Variants in RBFOX3 observed in about 807,000 individuals in gnomAD.
RBFOX3 encodes RNA binding fox-1 homolog 3.
In RBFOX3, 17 loss-of-function variants were observed where a neutral mutation model predicts 48.7. The ratio of observed to expected loss-of-function variants is 0.35; its 90% confidence interval spans 0.24 to 0.52. The LOEUF is 0.52. Ranked by LOEUF, RBFOX3 falls within the 20% of genes least tolerant of loss-of-function variation. The pLI is 0.94. For synonymous variants in RBFOX3, 212 were observed against 209.5 expected, an observed-to-expected ratio of 1.01 and a Z score of -0.10; for missense variants, 382 against 497.5, an observed-to-expected ratio of 0.77 and a Z score of 2.21.
intron 4 of RBFOX3, among the ~76,000 whole-genome samples, chr17:79,153,031 G>A (rs1315210225): frequency 1.3e-5 from 2 of 152,220 alleles, no homozygotes; most frequent in African/African-American, 2.4e-5. Flanking sequence ...CCTAAGTGCA[G>A]GGCAGGACAT....
Position 79,092,660 on chromosome 17 carries a change from A to C in RBFOX3, c.1078-1775T>G, listed in dbSNP as rs895324437. 1.4e-5 allele frequency: 14 copies of C among 983,684 alleles called. No individual in the cohort carries two copies. The Admixed American group carries it at 2.5e-4, about 17-fold the overall frequency. The allele number at this position is 983,684 out of a possible 1,614,324, so 60.9% of individuals were successfully genotyped here. A position where few individuals can be genotyped will look rare whatever the true frequency, so the allele number is the denominator to read the frequency against. On this transcript the variant is annotated intron_variant, in intron 14 of 14. Transcript: ENST00000693108. Reference sequence around the variant, plus strand: ...GGCTAGCCTGCAACATCAAAGATGAAAAACAGCCAATCAGTACCGTCTTTT... The same window carrying C: ...GGCTAGCCTGCAACATCAAAGATGACAAACAGCCAATCAGTACCGTCTTTT...
chr17:79,619,055 T>G, the RBFOX3 span, among the ~76,000 whole-genome samples: 1 of 152,336 alleles, frequency 6.6e-6, no homozygotes, highest in Middle Eastern at 3.4e-3. Flanking sequence ...TGTTTGTGGA[T>G]GCTAAGACGT....
rs191993828 is a variant in RBFOX3 at position 79,180,816 on chromosome 17, C to G, written c.-34+54950G>C. ...ACCACCCCAGCAGAACAGCCGCGGG[C>G]GAGGGAAGGAAAGTGAATGCTCAAA... On this transcript the variant is annotated intron_variant, in intron 4 of 14. Coordinates refer to ENST00000693108, the MANE Select transcript of RBFOX3 (RefSeq NM_001350451.2). Among the ~76,000 whole-genome samples, 4 of 151,472 alleles carry G rather than the reference C, an allele frequency of 2.6e-5. No homozygotes were observed. The East Asian group carries it at 5.9e-4, about 22-fold the overall frequency.
intron 4 of RBFOX3, among the ~76,000 whole-genome samples, chr17:79,137,251 A>G (rs1484522567): frequency 6.6e-6 from 1 of 151,736 alleles, no homozygotes; most frequent in Non-Finnish European, 1.5e-5. Flanking sequence ...ACACACACAC[A>G]CACACAGCCC....
intron 1 of RBFOX3, among the ~76,000 whole-genome samples, chr17:79,491,688 A>T (rs1225039758): frequency 1.3e-5 from 2 of 152,180 alleles, no homozygotes; most frequent in Admixed American, 6.5e-5. Context: ...GGACATCAGG[A>T]AATTGCAGTG....
At chr17:79,657,861 A>G in the RBFOX3 span, among the ~76,000 whole-genome samples, 1 of 152,228 alleles carries the variant, frequency 6.6e-6, no homozygotes, top group African/African-American at 2.4e-5. Context: ...AGAAGGCTTA[A>G]GCTCTCTCAG....
intron 4 of RBFOX3, among the ~76,000 whole-genome samples, chr17:79,182,294 T>C (rs962143374): frequency 2.0e-5 from 3 of 151,550 alleles, no homozygotes; most frequent in Non-Finnish European, 4.4e-5. Flanking sequence ...AGGGTGAGGG[T>C]GGGAACCGAA....
intron 2 of RBFOX3, among the ~76,000 whole-genome samples, chr17:79,349,252 T>C (rs2083440106): frequency 6.6e-6 from 1 of 152,042 alleles, no homozygotes; most frequent in East Asian, 1.9e-4. Context: ...CACTGAGCTG[T>C]GGGCTGCGGG....
At chr17:79,656,749 AGAAGGAAGGAAGGAAGGAAG>A in the RBFOX3 span, among the ~76,000 whole-genome samples, 1 of 51,854 alleles carries the variant, frequency 1.9e-5, no homozygotes, top group African/African-American at 6.1e-5. Flanking sequence ...AAAGAAAGAA[AGAAGGAAGGAAGGAAGGAAG>A]GAAGGAAGGA....
chr17:79,383,464 C>A (rs1408723647), intron 2 of RBFOX3, among the ~76,000 whole-genome samples: 2 of 152,234 alleles, frequency 1.3e-5, no homozygotes, highest in East Asian at 3.9e-4. Flanking sequence ...ACTTTTTCTC[C>A]CCTTCCAGCA....
At chr17:79,149,426 T>C (rs2043816614) in intron 4 of RBFOX3, among the ~76,000 whole-genome samples, 1 of 152,060 alleles carries the variant, frequency 6.6e-6, no homozygotes, top group Non-Finnish European at 1.5e-5. Flanking sequence ...ACTCGTTGGA[T>C]TGGAACACGG....
chr17:79,274,512 G>C (rs1277720061), intron 3 of RBFOX3, among the ~76,000 whole-genome samples: 2 of 152,150 alleles, frequency 1.3e-5, no homozygotes, highest in Admixed American at 6.5e-5. Context: ...TGAAGCTTCC[G>C]TATCTGGGCG....
rs1310940406 is a variant in RBFOX3 at position 79,390,986 on chromosome 17, C to A, written c.-174-83162G>T. ...TCTCTTCCCGCTTTCTTCTCCACAG[C>A]CCCCTGATTCCCACAGATCCTTCCC... On this transcript the variant is annotated intron_variant, in intron 2 of 14. Coordinates refer to ENST00000693108, the MANE Select transcript of RBFOX3 (RefSeq NM_001350451.2). The surrounding 1 kb of genome is among the most constrained non-coding windows in gnomAD (Gnocchi z 4.2). 6.6e-6 allele frequency among the ~76,000 whole-genome samples: 1 copy of A among 152,186 alleles called. No homozygotes were observed. Among genetic ancestry groups the A allele is most frequent in the Non-Finnish European group, 1.5e-5 (1 of 68,038 alleles).
intron 1 of RBFOX3, among the ~76,000 whole-genome samples, chr17:79,576,946 G>A (rs1260857569): frequency 2.0e-5 from 3 of 152,136 alleles, no homozygotes; most frequent in African/African-American, 7.2e-5. Flanking sequence ...GTTTCCTGCT[G>A]TCCACCTTTC....
chr17:79,575,127 C>T (rs919038957), intron 1 of RBFOX3, among the ~76,000 whole-genome samples: 4 of 152,268 alleles, frequency 2.6e-5, no homozygotes, highest in African/African-American at 7.2e-5. Context: ...GCCCCCCAGG[C>T]GATTCCAACA....
chr17:79,102,561 A>T (rs1274996939), intron 8 of RBFOX3, among the ~76,000 whole-genome samples: 1 of 152,082 alleles, frequency 6.6e-6, no homozygotes, highest in Non-Finnish European at 1.5e-5. Context: ...GGCACTCTGG[A>T]CCCCTGGGGA....
chr17:79,228,322 G>A lies in RBFOX3; in HGVS notation c.-34+7444C>T, dbSNP rs1048132765. 1.1e-4 allele frequency among the ~76,000 whole-genome samples: 17 copies of A among 152,156 alleles called. 1 individual carries two copies. The highest frequency in any genetic ancestry group is 6.5e-4 in the Admixed American group (10 of 15,280). ...AGGTGTGTGTCCTGCTCTCTGCACC[G>A]TGACGCCTCCCGCTCCCTGAAAACC... On this transcript the variant is annotated intron_variant, in intron 4 of 14. Coordinates refer to ENST00000693108, the MANE Select transcript of RBFOX3 (RefSeq NM_001350451.2).
chr17:79,555,585 GATGACA>G (rs1213530566), intron 1 of RBFOX3, among the ~76,000 whole-genome samples: 1 of 151,294 alleles, frequency 6.6e-6, no homozygotes, highest in Non-Finnish European at 1.5e-5. Flanking sequence ...TGATGATGAT[GATGACA>G]ATGATAATGG....
intron 2 of RBFOX3, among the ~76,000 whole-genome samples, chr17:79,466,224 C>G (rs2076294476): frequency 6.6e-6 from 1 of 152,330 alleles, no homozygotes; most frequent in African/African-American, 2.4e-5. Context: ...AGCCTGGAAG[C>G]CCTAGGCTTG....
Sources: gnomAD v4.1 joint callset for allele counts (sites outside exome capture counted in the v4.1 genomes callset) on GRCh38, gnomAD v4.1.1 for gene constraint, Gnocchi (gnomAD v3.1) non-coding constraint, MANE v1.5 for transcripts, NCBI Gene and HGNC (gene_info 2026-07-23, HGNC 2026-07-21) for gene names.